FMN1: variants seen among roughly 807,000 people sequenced by gnomAD.
FMN1 encodes the protein formin-1.
A neutral mutation model predicts 132.4 loss-of-function variants in FMN1; 110 were observed. The observed-to-expected ratio is 0.83, with a 90% CI of 0.71 to 0.97. The LOEUF is 0.97. Among genes scored for constraint, FMN1 ranks in the 50% least tolerant of loss-of-function variants. The pLI is 0.00. For synonymous variants in FMN1, 722 were observed against 651.7 expected (o/e 1.11, Z -1.64); for missense variants, 1,792 against 1,705.3 (o/e 1.05, Z -0.90).
chr15:32,767,249 T>C lies in FMN1; in HGVS notation c.*7061A>G, dbSNP rs2056079278. On this transcript the variant is annotated 3_prime_UTR_variant, in exon 21 of 21. Coordinates refer to ENST00000616417, the MANE Select transcript of FMN1 (RefSeq NM_001277313.2). ...CTTGCTCATCCCATTGCTTGCAAAC[T>C]CACAAGATACCAGTTATATGAAGAC... 6.6e-6 allele frequency: 1 copy of C among 152,214 alleles called. No homozygotes were observed. The highest frequency in any genetic ancestry group is 6.5e-5 in the Admixed American group (1 of 15,286). The allele number at this position is 152,214 out of a possible 1,614,324, so 9.4% of individuals were successfully genotyped here. A position where few individuals can be genotyped will look rare whatever the true frequency, so the allele number is the denominator to read the frequency against.
At position 32,773,501 on chromosome 15, in the gene FMN1, C is replaced by A. The variant is rs986410088; in HGVS notation, c.*809G>T. On this transcript the variant is annotated 3_prime_UTR_variant, in exon 21 of 21. Transcript: ENST00000616417. ...GTCTCTTGTCCAAGCACACCCAAGG[C>A]TGTGCTTGCTCAGGTATTACATTTT... 6 of 152,194 alleles carry A rather than the reference C, an allele frequency of 3.9e-5. No homozygotes were observed. Among genetic ancestry groups the A allele is most frequent in the African/African-American group, 1.4e-4 (6 of 41,434 alleles). 9.4% of individuals were successfully genotyped at this position (152,194 alleles called of 1,614,324 possible).
At chr15:33,159,436 G>A (rs538877287) in intron 3 of FMN1, among the ~76,000 whole-genome samples, 1 of 152,312 alleles carries the variant, frequency 6.6e-6, no homozygotes, top group African/African-American at 2.4e-5. Flanking sequence ...ACTGCTAGAT[G>A]CAAAGGGATA....
chr15:32,809,993 C>T (rs1285411275), intron 17 of FMN1, among the ~76,000 whole-genome samples: 1 of 152,132 alleles, frequency 6.6e-6, no homozygotes, highest in East Asian at 1.9e-4. Flanking sequence ...AATCTCAGCT[C>T]ACTGCAACCT....
At chr15:33,073,679 AGTT>A (rs1385105094) in intron 5 of FMN1, among the ~76,000 whole-genome samples, 3 of 152,034 alleles carry the variant, frequency 2.0e-5, no homozygotes, top group Admixed American at 1.3e-4. Flanking sequence ...GGTAGAATCC[AGTT>A]GTTGTAAGGT....
chr15:33,127,333 G>C (rs1392379443), intron 4 of FMN1, among the ~76,000 whole-genome samples: 1 of 151,454 alleles, frequency 6.6e-6, no homozygotes, highest in African/African-American at 2.4e-5. Flanking sequence ...CATTCAACCT[G>C]GACCCTAAAT....
intron 15 of FMN1, among the ~76,000 whole-genome samples, chr15:32,893,357 T>C (rs2060077074): frequency 6.6e-6 from 1 of 150,928 alleles, no homozygotes; most frequent in African/African-American, 2.4e-5. Flanking sequence ...GATTCAGTCC[T>C]GGTTTTGATT....
At chr15:32,913,459 A>G (rs2060612488) in intron 10 of FMN1, among the ~76,000 whole-genome samples, 1 of 151,998 alleles carries the variant, frequency 6.6e-6, no homozygotes, top group Admixed American at 6.6e-5. Flanking sequence ...CCTCAATTAC[A>G]CTTCCAAACT....
chr15:32,995,983 C>G (rs56261128), intron 7 of FMN1, among the ~76,000 whole-genome samples: 3 of 152,238 alleles, frequency 2.0e-5, no homozygotes, highest in Non-Finnish European at 4.4e-5. Context: ...TTTCTTTTAC[C>G]TCGGCACATA....
At chr15:32,833,732 T>C (rs1300724772) in intron 17 of FMN1, among the ~76,000 whole-genome samples, 1 of 152,208 alleles carries the variant, frequency 6.6e-6, no homozygotes, top group African/African-American at 2.4e-5. Context: ...AGAAAACCCA[T>C]CTGAAAATAC....
chr15:33,030,747 T>A (rs1336634750), intron 6 of FMN1, among the ~76,000 whole-genome samples: 2 of 152,208 alleles, frequency 1.3e-5, no homozygotes, highest in Non-Finnish European at 2.9e-5. Flanking sequence ...CACATCCTAA[T>A]TTCAGGTGTA....
intron 10 of FMN1, among the ~76,000 whole-genome samples, chr15:32,914,674 A>G (rs2060642212): frequency 6.6e-6 from 1 of 152,276 alleles, no homozygotes; most frequent in African/African-American, 2.4e-5. Flanking sequence ...AGAGGTAGCA[A>G]AAACTTGAAT....
At chr15:33,061,647 G>C (rs2141230538) in intron 6 of FMN1, among the ~76,000 whole-genome samples, 1 of 152,016 alleles carries the variant, frequency 6.6e-6, no homozygotes, top group African/African-American at 2.4e-5. Context: ...ATTTTTAAAA[G>C]TATGCAAAAG....
chr15:32,880,330 A>G (rs579064), intron 16 of FMN1, among the ~76,000 whole-genome samples: 43,700 of 152,076 alleles, frequency 0.29, 6,891 homozygotes, highest in African/African-American at 0.42. Flanking sequence ...TATGAGCTTA[A>G]CGTTAAATGA....
At chr15:33,013,005 C>T in intron 6 of FMN1, 13 of 423,028 alleles carry the variant, frequency 3.1e-5, no homozygotes, top group South Asian at 2.4e-4. Flanking sequence ...AGTACTTTGC[C>T]AAACCACAAA....
At position 32,898,936 on chromosome 15, in the gene FMN1, G is replaced by C. The variant is rs139757565; in HGVS notation, c.3655-43C>G. The C allele has an allele frequency of 5.7e-4, 754 of 1,313,774 alleles. 5 individuals carry two copies. In the African/African-American group the frequency reaches 9.5e-3, roughly 17 times the overall value. The allele number at this position is 1,313,774 out of a possible 1,614,324, so 81.4% of individuals were successfully genotyped here. A position where few individuals can be genotyped will look rare whatever the true frequency, so the allele number is the denominator to read the frequency against. On this transcript the variant is annotated intron_variant, in intron 14 of 20. Coordinates refer to ENST00000616417, the MANE Select transcript of FMN1 (RefSeq NM_001277313.2). ...ATGTACATGAAAATCATTCCCATGA[G>C]ACTGTCATGTTACACGGTTGAGAGG...
intron 9 of FMN1, among the ~76,000 whole-genome samples, chr15:32,930,601 C>T (rs1169675005): frequency 2.0e-5 from 3 of 151,970 alleles, no homozygotes; most frequent in Admixed American, 2.0e-4. Context: ...ATATGGTTTG[C>T]AAATATTTTT....
At chr15:33,104,103 A>C (rs923244794) in intron 4 of FMN1, among the ~76,000 whole-genome samples, 2 of 152,158 alleles carry the variant, frequency 1.3e-5, no homozygotes, top group Non-Finnish European at 2.9e-5. Context: ...AGCTGAAAAA[A>C]ACTTTTATCA....
chr15:32,874,398 A>G (rs530691733), intron 16 of FMN1, among the ~76,000 whole-genome samples: 117 of 152,214 alleles, frequency 7.7e-4, no homozygotes, highest in African/African-American at 2.6e-3. Flanking sequence ...AGGAAAAGGT[A>G]TGTCATGGAT....
chr15:32,832,933 G>C (rs1043424662), intron 17 of FMN1, among the ~76,000 whole-genome samples: 8 of 150,452 alleles, frequency 5.3e-5, no homozygotes, highest in African/African-American at 1.2e-4. Flanking sequence ...AAGTAGGGTA[G>C]ACATCATCAG....
Sources: allele counts gnomAD v4.1 joint callset (sites outside exome capture counted in the v4.1 genomes callset), GRCh38; gene constraint gnomAD v4.1.1; transcripts MANE v1.5; gene names NCBI Gene and HGNC (gene_info 2026-07-23, HGNC 2026-07-21).